Variants in SF3B3 observed in about 807,000 individuals in gnomAD.
SF3B3 encodes the protein SAP 130.
A neutral mutation model predicts 139.2 loss-of-function variants in SF3B3; 33 were observed. That is an observed-to-expected ratio of 0.24 (90% confidence interval 0.18 to 0.32). SF3B3 has a LOEUF of 0.32. Ranked by LOEUF, SF3B3 falls within the 10% of genes least tolerant of loss-of-function variation. The pLI is 1.00. For missense variants in SF3B3, 818 were observed against 1,509.4 expected (o/e 0.54, Z 7.59); for synonymous variants, 596 against 563.6 (o/e 1.06, Z -0.81).
intron 4 of SF3B3, 44 bp from the exon 5 acceptor site, chr16:70,532,435 G>C (rs368143473): frequency 7.0e-6 from 11 of 1,575,406 alleles, no homozygotes; most frequent in Non-Finnish European, 9.5e-6. Context: ...CCAGATCTTC[G>C]ATTTTATGCT....
At position 70,574,529 on chromosome 16, in the gene SF3B3, C is replaced by T. The variant is rs1046050366; in HGVS notation, c.*2716C>T. 1 of 152,226 alleles carries T rather than the reference C, an allele frequency of 6.6e-6. No homozygotes were observed. The highest frequency in any genetic ancestry group is 2.4e-5 in the African/African-American group (1 of 41,444). The allele number at this position is 152,226 out of a possible 1,614,324, so 9.4% of individuals were successfully genotyped here. A position where few individuals can be genotyped will look rare whatever the true frequency, so the allele number is the denominator to read the frequency against. Reference sequence around the variant, plus strand: ...TGTTTGTTTATTAGAGATGGAATCTCTCTCTCTTGACCAGGCTAGAGGGCT... The same window carrying T: ...TGTTTGTTTATTAGAGATGGAATCTTTCTCTCTTGACCAGGCTAGAGGGCT... On this transcript the variant is annotated 3_prime_UTR_variant, in exon 26 of 26. Transcript: ENST00000302516.
intron 10 of SF3B3, among the ~76,000 whole-genome samples, chr16:70,545,357 G>A (rs1156947156): frequency 2.0e-5 from 3 of 152,206 alleles, no homozygotes; most frequent in East Asian, 3.8e-4. Context: ...GTGAGCCACC[G>A]CACCTGGCCA....
intron 6 of SF3B3, among the ~76,000 whole-genome samples, chr16:70,536,865 C>T (rs1462042735): frequency 6.9e-6 from 1 of 144,780 alleles, no homozygotes; most frequent in Non-Finnish European, 1.5e-5. Flanking sequence ...GGCTGGAGTG[C>T]AGTGGCGCAA....
rs534128748 is a variant in SF3B3 at position 70,535,207 on chromosome 16, C to T, written c.713-101C>T. On this transcript the variant is annotated intron_variant, in intron 5 of 25. Coordinates refer to ENST00000302516, the MANE Select transcript of SF3B3 (RefSeq NM_012426.5). The stretch of plus-strand genomic sequence containing the variant: ...ATGAAATGTTTCTTAGCATCAGGCA[C>T]ATTACCATCATCAAGTTGTGCTGAA... 131 of 586,372 alleles carry T rather than the reference C, an allele frequency of 2.2e-4. 4 individuals carry two copies. In the South Asian group the frequency reaches 3.4e-3, roughly 15 times the overall value. 36.3% of individuals were successfully genotyped at this position (586,372 alleles called of 1,614,324 possible).
intron 15 of SF3B3, among the ~76,000 whole-genome samples, chr16:70,557,645 G>T (rs2050390858): frequency 6.6e-6 from 1 of 152,158 alleles, no homozygotes. Flanking sequence ...TTTTTTGGGA[G>T]AGGGTTGTTG....
In SF3B3 at chr16:70,539,179, CT is replaced by C; in HGVS notation, c.1044del (p.Phe348LeufsTer2). The C allele has an allele frequency of 6.2e-7, 1 of 1,613,720 alleles. No homozygotes were observed. The highest frequency in any genetic ancestry group is 8.5e-7 in the Non-Finnish European group (1 of 1,179,652). On this transcript the variant is annotated frameshift_variant, in exon 8 of 26. Transcript: ENST00000302516. LOFTEE classifies it high-confidence loss of function. ...CATGTGTGTGCTTAAAACAGGGTTC[CT>C]TTTTGTAGCATCAGAATTTGGAAAC... Reference protein sequence around the residue: ...AAMCVLKTGFLFVASEFGNHY... With the variant: ...AAMCVLKTGFXFVASEFGNHY...
intron 16 of SF3B3, chr16:70,561,425 T>C (rs1384117742): frequency 1.1e-5 from 6 of 563,510 alleles, no homozygotes; most frequent in Non-Finnish European, 3.1e-6. Flanking sequence ...CTAGATCATA[T>C]GGCTCGTAGC....
intron 9 of SF3B3, among the ~76,000 whole-genome samples, chr16:70,543,707 TAAAAA>T (rs371628093): frequency 6.6e-6 from 1 of 151,234 alleles, no homozygotes; most frequent in African/African-American, 2.4e-5. Flanking sequence ...GACTCTGTCT[TAAAAA>T]AAAATAAAAT....
intron 15 of SF3B3, 157 bp from the exon 16 acceptor site, chr16:70,560,312 A>G (rs2050417193): frequency 3.1e-6 from 2 of 640,874 alleles, no homozygotes; most frequent in Non-Finnish European, 4.9e-6. Context: ...AGAGAATGAA[A>G]TGAATGGCTA....
At position 70,574,022 on chromosome 16, in the gene SF3B3, G is replaced by A. The variant is rs1343026890; in HGVS notation, c.*2209G>A. On this transcript the variant is annotated 3_prime_UTR_variant, in exon 26 of 26. Coordinates refer to ENST00000302516, the MANE Select transcript of SF3B3 (RefSeq NM_012426.5). ...TGCTAGTGAGACAGCTGCCGGCGCT[G>A]GAAAAGGCTCGTCTCACAGGGAGAG... 1 of 152,174 alleles carries A rather than the reference G, an allele frequency of 6.6e-6. No homozygotes were observed. The highest frequency in any genetic ancestry group is 1.5e-5 in the Non-Finnish European group (1 of 68,048). The allele number at this position is 152,174 out of a possible 1,614,324, so 9.4% of individuals were successfully genotyped here. A position where few individuals can be genotyped will look rare whatever the true frequency, so the allele number is the denominator to read the frequency against.
intron 11 of SF3B3, among the ~76,000 whole-genome samples, chr16:70,549,475 G>A (rs985224597): frequency 2.0e-5 from 3 of 152,154 alleles, no homozygotes; most frequent in African/African-American, 7.2e-5. Context: ...CATAGAAGTT[G>A]GTCCGTGTTG....
At chr16:70,561,904 A>T in intron 17 of SF3B3, 120 bp downstream of exon 17, 1 of 807,606 alleles carries the variant, frequency 1.2e-6, no homozygotes, top group Admixed American at 2.5e-5. Context: ...TTCACCATGA[A>T]GCTTGTGTGT....
intron 10 of SF3B3, among the ~76,000 whole-genome samples, chr16:70,546,699 A>T (rs1015189149): frequency 6.6e-6 from 1 of 151,430 alleles, no homozygotes; most frequent in African/African-American, 2.5e-5. Context: ...AGTGTAAGAG[A>T]TAAATGACTC....
chr16:70,550,561 C>CAT (rs2050314520), intron 11 of SF3B3: 1 of 562,078 alleles, frequency 1.8e-6, no homozygotes, highest in Non-Finnish European at 2.3e-6. Flanking sequence ...TCTGCCTGCA[C>CAT]ATGCAGCAGT....
chr16:70,538,580 T>C (rs2050189750), intron 7 of SF3B3, 120 bp downstream of exon 7: 1 of 798,996 alleles, frequency 1.3e-6, no homozygotes, highest in Non-Finnish European at 2.0e-6. Flanking sequence ...GGAACCGGTA[T>C]ATGAGTATAG....
chr16:70,532,358 A>G, intron 4 of SF3B3, 121 bp from the exon 5 acceptor site: 1 of 519,632 alleles, frequency 1.9e-6, no homozygotes, highest in Non-Finnish European at 2.8e-6. Flanking sequence ...CTGTCTCTCC[A>G]AAAAAAAAAG....
At chr16:70,537,426 G>A (rs1014142196) in intron 6 of SF3B3, among the ~76,000 whole-genome samples, 2 of 151,994 alleles carry the variant, frequency 1.3e-5, no homozygotes, top group Non-Finnish European at 2.9e-5. Flanking sequence ...CCTCTTCCCC[G>A]GCGTCTTTTC....
chr16:70,525,502 T>A (rs978492251), intron 1 of SF3B3, among the ~76,000 whole-genome samples: 3 of 152,070 alleles, frequency 2.0e-5, no homozygotes, highest in African/African-American at 7.2e-5. Flanking sequence ...GTAGACTGTT[T>A]TGATCAGCTA....
intron 1 of SF3B3, 64 bp from the exon 2 acceptor site, chr16:70,526,523 C>T: frequency 1.6e-6 from 1 of 625,926 alleles, no homozygotes; most frequent in Non-Finnish European, 2.8e-6. Context: ...CCAGAATTTC[C>T]CATACAGAAA....
Sources: gnomAD v4.1 joint callset for allele counts (sites outside exome capture counted in the v4.1 genomes callset) on GRCh38, gnomAD v4.1.1 for gene constraint, MANE v1.5 for transcripts, NCBI Gene and HGNC (gene_info 2026-07-23, HGNC 2026-07-21) for gene names.